Variants in CEP72 observed in about 807,000 individuals in gnomAD.
CEP72 encodes the protein centrosomal protein 72.
CEP72 carries 78 observed loss-of-function variants against 65.7 expected under a neutral mutation model. The ratio of observed to expected loss-of-function variants is 1.19; its 90% CI spans 0.99 to 1.43. The LOEUF (loss-of-function observed/expected upper bound fraction) is 1.43, where lower values mean the gene tolerates loss of function less well. Ranked by LOEUF, CEP72 falls within the 40% of genes most tolerant of loss-of-function variation. The probability of loss-of-function intolerance (pLI) is 0.00; values close to 1 mark genes in which losing one functional copy is unlikely to be tolerated. For missense variants in CEP72, 914 were observed against 832.9 expected (o/e 1.10, Z -1.20); for synonymous variants, 358 against 351.7 (o/e 1.02, Z -0.20).
At position 631,944 on chromosome 5, in the gene CEP72, G is replaced by A. The variant is rs1222508232; in HGVS notation, c.513-1825G>A. Among the ~76,000 whole-genome samples the A allele has an allele frequency of 1.3e-4, 5 of 38,800 alleles. 1 individual carries two copies. The highest frequency in any genetic ancestry group is 4.7e-5 in the Non-Finnish European group (1 of 21,054). 25.5% of individuals were successfully genotyped at this position (38,800 alleles called of 152,430 possible). On this transcript the variant is annotated intron_variant, in intron 4 of 11. Coordinates refer to ENST00000264935, the MANE Select transcript of CEP72 (RefSeq NM_018140.4). ...CAGTCCTGGTGGGGTTCTGTCCAGC[G>A]CCGGGATTTGGCCCAGTCCTGGTGG...
At chr5:644,526 G>A in intron 10 of CEP72, 101 bp downstream of exon 10, 2 of 1,375,836 alleles carry the variant, frequency 1.5e-6, no homozygotes, top group East Asian at 4.6e-5. Context: ...GTGAGCAGCA[G>A]CAGACGCAGT....
chr5:613,457 A>C (rs1467421561), intron 1 of CEP72, among the ~76,000 whole-genome samples: 3 of 151,538 alleles, frequency 2.0e-5, no homozygotes, highest in Non-Finnish European at 4.4e-5. Flanking sequence ...TGCAACCTCC[A>C]CCTCCCAGGT....
chr5:637,737 C>T lies in CEP72; in HGVS notation c.1125C>T (p.Ser375=). 2 of 1,613,012 alleles carry T rather than the reference C, an allele frequency of 1.2e-6. No homozygotes were observed. The highest frequency in any genetic ancestry group is 1.7e-6 in the Non-Finnish European group (2 of 1,179,748). The stretch of plus-strand genomic sequence containing the variant: ...TGAGCAGACAGGACAGCTCAGAAAG[C>T]AGGAACGGGAGGACCTTGTCTCAGC... ...ESLSRQDSSE[S]RNGRTLSQPE... Residue 375 remains serine, a synonymous_variant, in exon 7 of 12, where the codon AGC becomes AGT. Coordinates refer to ENST00000264935, the MANE Select transcript of CEP72 (RefSeq NM_018140.4).
At chr5:671,196 G>A (rs936922284), downstream of CEP72, among the ~76,000 whole-genome samples, 15 of 151,632 alleles carry the variant, frequency 9.9e-5, no homozygotes, top group Admixed American at 2.0e-4. Flanking sequence ...CACACCCTGC[G>A]CTTGCTGCTA....
In CEP72 at chr5:652,949, A is replaced by G. The variant is rs763745595; in HGVS notation, c.1779-39A>G. ...GGTGAGGGCCACACCGCTGGAGAGG[A>G]CGGAAGTGCCAAGCAGCCGCTTCCC... On this transcript the variant is annotated intron_variant, in intron 11 of 11. Coordinates refer to ENST00000264935, the MANE Select transcript of CEP72 (RefSeq NM_018140.4). The G allele has an allele frequency of 3.8e-6, 6 of 1,560,312 alleles. No homozygotes were observed. In the Admixed American group the frequency reaches 9.4e-5, roughly 24 times the overall value.
At position 640,422 on chromosome 5, in the gene CEP72, A is replaced by G; in HGVS notation, c.1357A>G (p.Ile453Val). Residue 453 changes from isoleucine to valine, a missense_variant, in exon 9 of 12, where the codon ATC becomes GTC. Transcript: ENST00000264935. ...NEAFLAQARH[I>V]LSSVEEFTAA... is the part of the protein sequence containing the mutation. ...TTCACTCCTAGCTCAGGCAAGACAC[A>G]TCTTGTCATCTGTTGAAGAATTCAC... 1 of 1,613,880 alleles carries G rather than the reference A, an allele frequency of 6.2e-7. No individual in the cohort carries two copies. The highest frequency in any genetic ancestry group is 8.5e-7 in the Non-Finnish European group (1 of 1,179,808).
chr5:626,303 ACCT>A (rs1221229063), intron 4 of CEP72, among the ~76,000 whole-genome samples: 2 of 144,888 alleles, frequency 1.4e-5, no homozygotes, highest in East Asian at 4.1e-4. Flanking sequence ...TCCTAGCCTC[ACCT>A]CCTGTCTTGG....
At position 643,770 on chromosome 5, in the gene CEP72, G is replaced by A. The variant is rs914948950; in HGVS notation, c.1540-529G>A. The stretch of plus-strand genomic sequence containing the variant: ...GGGCCAGGGAGGGGCAGAGGCTGCC[G>A]TGTAGCTGCAGGCGTGGCCCTTTCC... On this transcript the variant is annotated intron_variant, in intron 9 of 11. Transcript: ENST00000264935. 15 of 543,676 alleles carry A rather than the reference G, an allele frequency of 2.8e-5. 1 individual carries two copies. The South Asian group carries it at 3.2e-4, about 11-fold the overall frequency. 33.7% of individuals were successfully genotyped at this position (543,676 alleles called of 1,614,324 possible).
In CEP72 at chr5:665,989, G is replaced by A. The variant is rs1430685035; in HGVS notation, n.482G>A. 6 of 1,583,130 alleles carry A rather than the reference G, an allele frequency of 3.8e-6. No homozygotes were observed. The Admixed American group carries it at 5.1e-5, about 13-fold the overall frequency. On this transcript the variant is annotated non_coding_transcript_exon_variant, in exon 4 of 5. Transcript: ENST00000514507. Reference sequence around the variant, plus strand: ...GCTCACCGTCACCCCTGAGATGATGGGCGCCTTGCCCTCGATGAGCCTGTG... The same window carrying A: ...GCTCACCGTCACCCCTGAGATGATGAGCGCCTTGCCCTCGATGAGCCTGTG...
chr5:669,776 C>T (rs372024153), downstream of CEP72, among the ~76,000 whole-genome samples: 8 of 152,142 alleles, frequency 5.3e-5, no homozygotes, highest in East Asian at 1.9e-4. Flanking sequence ...CCCACACGGG[C>T]GGGGAGCTCT....
chr5:668,423 C>T (rs912794000), downstream of CEP72, among the ~76,000 whole-genome samples: 4 of 125,742 alleles, frequency 3.2e-5, no homozygotes, highest in African/African-American at 8.8e-5. Context: ...GAGAGGGGGC[C>T]GCGTGGGCGC....
In CEP72 at chr5:633,933, C is replaced by G. The variant is rs201789250; in HGVS notation, c.677C>G (p.Ser226Cys). ...AGCCAGAAGGGGCGTGAGGCCGACT[C>G]TCGTGGTTCCCAAGGTGCGCTGCTC... The part of the protein sequence containing the change: ...SFSQKGREAD[S>C]RGSQESRHLL... The change falls in exon 5 of 12, where the codon TCT becomes TGT. Residue 226 changes from serine to cysteine, a missense_variant. By Grantham distance (112) the Ser-to-Cys change is moderately radical (BLOSUM62 -1). Coordinates refer to ENST00000264935, the MANE Select transcript of CEP72 (RefSeq NM_018140.4). 536 of 1,612,000 alleles carry G rather than the reference C, an allele frequency of 3.3e-4. No homozygotes were observed. The highest frequency in any genetic ancestry group is 3.7e-4 in the Non-Finnish European group (433 of 1,180,012).
At chr5:663,888 G>A (rs1047947565) in intron 2 of CEP72, 2 of 152,470 alleles carry the variant, frequency 1.3e-5, no homozygotes, top group Non-Finnish European at 2.9e-5. Flanking sequence ...TTGTGACAGC[G>A]GGTGGCCACA....
chr5:643,386 C>T (rs1335647777), intron 9 of CEP72: 43 of 985,382 alleles, frequency 4.4e-5, no homozygotes, highest in African/African-American at 5.2e-5. Flanking sequence ...GGGAGAAGTC[C>T]GCGAAATGAA....
In CEP72 at chr5:636,827, A is replaced by G. The variant is rs1579982087; in HGVS notation, c.905-690A>G. Among the ~76,000 whole-genome samples the G allele has an allele frequency of 2.0e-5, 3 of 150,744 alleles. No homozygotes were observed. In the South Asian group the frequency reaches 6.3e-4, roughly 31 times the overall value. On this transcript the variant is annotated intron_variant, in intron 6 of 11. Coordinates refer to ENST00000264935, the MANE Select transcript of CEP72 (RefSeq NM_018140.4). ...TCCAACTCAAAAAAAAAAAAAAAAA[A>G]GAAAAAGAGAAACCTTGTCTCGCGT...
Position 640,819 on chromosome 5 carries a change from G to A in CEP72, c.1539+215G>A, listed in dbSNP as rs530312167. 52 of 985,432 alleles carry A rather than the reference G, an allele frequency of 5.3e-5. No individual in the cohort carries two copies. In the East Asian group the frequency reaches 1.5e-3, roughly 28 times the overall value. 61.0% of individuals were successfully genotyped at this position (985,432 alleles called of 1,614,324 possible). ...GGAGCACTTTGGAGACAGCAGTGGC[G>A]CTGGCCACCTTCTCTCCCCGGGCCC... is the stretch of plus-strand genomic sequence containing the variant. On this transcript the variant is annotated intron_variant, in intron 9 of 11. Coordinates refer to ENST00000264935, the MANE Select transcript of CEP72 (RefSeq NM_018140.4).
chr5:619,899 A>G (rs1302494117), intron 2 of CEP72, among the ~76,000 whole-genome samples, 170 bp from the exon 3 acceptor site: 2 of 152,074 alleles, frequency 1.3e-5, no homozygotes, highest in Non-Finnish European at 2.9e-5. Flanking sequence ...CGTGGGGCCC[A>G]GAGAACTTCA....
At chr5:633,314 A>G (rs58937601) in intron 4 of CEP72, among the ~76,000 whole-genome samples, 237 of 93,180 alleles carry the variant, frequency 2.5e-3, no homozygotes, top group Non-Finnish European at 3.9e-3. Flanking sequence ...CAGTGCCGGG[A>G]TTTGGCCCAG....
At chr5:627,331 T>C (rs914689836) in intron 4 of CEP72, among the ~76,000 whole-genome samples, 1 of 152,254 alleles carries the variant, frequency 6.6e-6, no homozygotes, top group Non-Finnish European at 1.5e-5. Context: ...TAACCCCTCT[T>C]TCATGTCAGT....
Sources: gnomAD v4.1 joint callset for allele counts (sites outside exome capture counted in the v4.1 genomes callset) on GRCh38, gnomAD v4.1.1 for gene constraint, MANE v1.5 for transcripts, NCBI Gene and HGNC (gene_info 2026-07-23, HGNC 2026-07-21) for gene names.